The following MAP4K3 variants were observed in gnomAD, a reference collection of about 807,000 sequenced individuals.
MAP4K3 encodes mitogen-activated protein kinase kinase kinase kinase 3.
In MAP4K3, 94 loss-of-function variants were observed where a neutral mutation model predicts 143.5. That is an observed-to-expected ratio of 0.65 (90% CI 0.55 to 0.78). The LOEUF (loss-of-function observed/expected upper bound fraction) is 0.78, where lower values mean the gene tolerates loss of function less well. Among genes scored for constraint, MAP4K3 ranks in the 30% least tolerant of loss-of-function variants. MAP4K3 has a pLI of 0.00. For missense variants in MAP4K3, 1,077 were observed against 1,068.1 expected, an observed-to-expected ratio of 1.01 and a Z score of -0.12; for synonymous variants, 416 against 347.2, an observed-to-expected ratio of 1.20 and a Z score of -2.20.
chr2:39,353,660 T>C (rs1256322871), intron 3 of MAP4K3, among the ~76,000 whole-genome samples: 2 of 152,212 alleles, frequency 1.3e-5, no homozygotes, highest in Non-Finnish European at 2.9e-5. Context: ...ACAGCTATAC[T>C]GCTATCCAGG....
intron 2 of MAP4K3, among the ~76,000 whole-genome samples, chr2:39,363,992 T>TAAAAAAAA (rs70957104): frequency 1.5e-5 from 2 of 129,134 alleles, no homozygotes; most frequent in Non-Finnish European, 1.6e-5. Flanking sequence ...ATAGCCATTA[T>TAAAAAAAA]AAAAAAAAAA....
chr2:39,437,013 C>T lies in MAP4K3; in HGVS notation c.-26G>A, dbSNP rs886905926. On this transcript the variant is annotated 5_prime_UTR_variant, in exon 1 of 34. Coordinates refer to ENST00000263881, the MANE Select transcript of MAP4K3 (RefSeq NM_003618.4). ...GGCGGGCCCCAGGTGCCCCCCGCCT[C>T]CCTCCCGGGCAGGGGAGGGGGGCCG... The T allele has an allele frequency of 8.1e-6, 13 of 1,595,448 alleles. No individual in the cohort carries two copies. The African/African-American group carries it at 1.1e-4, about 13-fold the overall frequency.
At position 39,303,954 on chromosome 2, in the gene MAP4K3, T is replaced by A. The variant is rs183756804; in HGVS notation, c.1119+3989A>T. Among the ~76,000 whole-genome samples the A allele has an allele frequency of 2.7e-3, 413 of 152,338 alleles. 4 individuals carry two copies. The South Asian group carries it at 0.037, about 14-fold the overall frequency. Reference sequence around the variant, plus strand: ...AAAATAGCATCAGTTAAGACGGATGTGTAATATAATCTTTTAATCTGCAGA... The same window carrying A: ...AAAATAGCATCAGTTAAGACGGATGAGTAATATAATCTTTTAATCTGCAGA... On this transcript the variant is annotated intron_variant, in intron 15 of 33. Coordinates refer to ENST00000263881, the MANE Select transcript of MAP4K3 (RefSeq NM_003618.4).
In MAP4K3 at chr2:39,260,661, C is replaced by G; in HGVS notation, c.2253G>C (p.Val751=). The change falls in exon 29 of 34, where the codon GTG becomes GTC. Residue 751 remains valine, a synonymous_variant. Coordinates refer to ENST00000263881, the MANE Select transcript of MAP4K3 (RefSeq NM_003618.4). Reference sequence around the variant, plus strand: ...TTGGATTGACCGTCTCAAATCGAACCACTTGGTTGAAGTCTCTACCTCTAC... The same window carrying G: ...TTGGATTGACCGTCTCAAATCGAACGACTTGGTTGAAGTCTCTACCTCTAC... ...GVSRGRDFNQ[V]VRFETVNPNS... The G allele has an allele frequency of 1.9e-6, 3 of 1,614,058 alleles. No individual in the cohort carries two copies. Among genetic ancestry groups the G allele is most frequent in the African/African-American group, 1.3e-5 (1 of 75,038 alleles).
chr2:39,379,445 T>C lies in MAP4K3; in HGVS notation c.97-1322A>G, dbSNP rs185329122. ...TATTTCAAATTAAACTTAATTTCCA[T>C]AAAATGGGATAGATGTTTCAAATAG... On this transcript the variant is annotated intron_variant, in intron 1 of 33. Coordinates refer to ENST00000263881, the MANE Select transcript of MAP4K3 (RefSeq NM_003618.4). 3.1e-3 allele frequency among the ~76,000 whole-genome samples: 465 copies of C among 152,152 alleles called. 4 individuals carry two copies. Among genetic ancestry groups the C allele is most frequent in the Middle Eastern group, 0.01 (3 of 294 alleles).
rs1175899444 is a variant in MAP4K3 at position 39,273,496 on chromosome 2, C to G, written c.1795-954G>C. ...TGGCAATTCCTACAACTAAGTTACT[C>G]CAAAACTAATTGAGATGAGAGAATG... On this transcript the variant is annotated intron_variant, in intron 24 of 33. Transcript: ENST00000263881. Among the ~76,000 whole-genome samples the G allele has an allele frequency of 2.0e-5, 3 of 151,074 alleles. No individual in the cohort carries two copies. The South Asian group carries it at 6.4e-4, about 32-fold the overall frequency.
chr2:39,325,809 G>A lies in MAP4K3; in HGVS notation c.728C>T (p.Ser243Leu). 2 of 1,600,946 alleles carry A rather than the reference G, an allele frequency of 1.2e-6. No homozygotes were observed. The highest frequency in any genetic ancestry group is 1.1e-5 in the South Asian group (1 of 88,010). ...TTTCACAAAGTGATGAAAACTATTTGACCTAAGAAATTTAGAAAATTAGAC... is the reference window on the plus strand; with the variant it reads ...TTTCACAAAGTGATGAAAACTATTTAACCTAAGAAATTTAGAAAATTAGAC... The part of the protein sequence containing the change: ...PPKLKDKMKW[S>L]NSFHHFVKMA... The change falls in exon 11 of 34, where the codon TCA (serine) becomes TTA (leucine). Residue 243 changes from serine (S) to leucine (L), a missense_variant and splice_region_variant. Physicochemically the swap from Ser to Leu is moderately radical, Grantham distance 145. Around this residue, in one of 2 missense-constraint regions of MAP4K3, gnomAD observed 864 missense variants for 801.2 expected, o/e 1.08. Transcript: ENST00000263881.
At chr2:39,314,654 T>C (rs1683054255) in intron 13 of MAP4K3, among the ~76,000 whole-genome samples, 1 of 152,178 alleles carries the variant, frequency 6.6e-6, no homozygotes, top group African/African-American at 2.4e-5. Flanking sequence ...GGCACTATTG[T>C]TCGAGGGATT....
intron 2 of MAP4K3, 135 bp from the exon 3 acceptor site, chr2:39,356,474 A>C: frequency 1.7e-6 from 1 of 590,416 alleles, no homozygotes; most frequent in Non-Finnish European, 3.0e-6. Flanking sequence ...AACATAGCCA[A>C]TAAGTTAATG....
At chr2:39,283,975 A>G (rs1681654096) in intron 21 of MAP4K3, among the ~76,000 whole-genome samples, 1 of 152,248 alleles carries the variant, frequency 6.6e-6, no homozygotes, top group South Asian at 2.1e-4. Flanking sequence ...CAACATAAAA[A>G]TATAACATTT....
At chr2:39,290,793 G>T (rs1054237840) in intron 18 of MAP4K3, among the ~76,000 whole-genome samples, 2 of 152,132 alleles carry the variant, frequency 1.3e-5, no homozygotes, top group Admixed American at 1.3e-4. Flanking sequence ...ATAACGGGCC[G>T]GGCGTGGTGG....
Position 39,323,086 on chromosome 2 carries a change from T to C in MAP4K3, c.918+2432A>G, listed in dbSNP as rs984141403. 3.9e-5 allele frequency among the ~76,000 whole-genome samples: 6 copies of C among 152,264 alleles called. No homozygotes were observed. The East Asian group carries it at 1.2e-3, about 29-fold the overall frequency. On this transcript the variant is annotated intron_variant, in intron 12 of 33. Coordinates refer to ENST00000263881, the MANE Select transcript of MAP4K3 (RefSeq NM_003618.4). Reference sequence around the variant, plus strand: ...CTTAGCAATTACAATTACAAATCATTTGCAAATAAAAAAGTTATGAATTTC... The same window carrying C: ...CTTAGCAATTACAATTACAAATCATCTGCAAATAAAAAAGTTATGAATTTC...
At chr2:39,255,548 T>G (rs1680310359) in intron 31 of MAP4K3, among the ~76,000 whole-genome samples, 1 of 152,244 alleles carries the variant, frequency 6.6e-6, no homozygotes, top group East Asian at 1.9e-4. Context: ...CTCACTCTTC[T>G]ACCTATTTAT....
At chr2:39,425,516 C>G (rs113630641) in intron 1 of MAP4K3, among the ~76,000 whole-genome samples, 37 of 152,190 alleles carry the variant, frequency 2.4e-4, no homozygotes, top group African/African-American at 8.9e-4. Flanking sequence ...TAGGGAAGGC[C>G]TCAGGATGGG....
intron 2 of MAP4K3, among the ~76,000 whole-genome samples, chr2:39,367,306 C>T (rs1665949044): frequency 6.6e-6 from 1 of 152,174 alleles, no homozygotes; most frequent in Non-Finnish European, 1.5e-5. Context: ...CTTTAGGAAG[C>T]TGAGGCAGGT....
At chr2:39,360,083 G>A (rs1025834470) in intron 2 of MAP4K3, among the ~76,000 whole-genome samples, 2 of 152,204 alleles carry the variant, frequency 1.3e-5, no homozygotes, top group African/African-American at 4.8e-5. Context: ...GCATTGTTGG[G>A]CTGCAAATTT....
At chr2:39,272,989 C>T (rs543766600) in intron 24 of MAP4K3, among the ~76,000 whole-genome samples, 3 of 150,856 alleles carry the variant, frequency 2.0e-5, no homozygotes, top group Non-Finnish European at 4.4e-5. Context: ...ACACAGGATA[C>T]AGAAACACTA....
chr2:39,373,188 G>T (rs575775008), intron 2 of MAP4K3, among the ~76,000 whole-genome samples: 77 of 152,250 alleles, frequency 5.1e-4, no homozygotes, highest in Non-Finnish European at 9.3e-4. Context: ...ATGAAAAGGT[G>T]CTCAACATCA....
intron 24 of MAP4K3, among the ~76,000 whole-genome samples, chr2:39,274,361 C>T (rs1038719995): frequency 2.0e-5 from 3 of 151,748 alleles, no homozygotes; most frequent in South Asian, 2.1e-4. Flanking sequence ...GGACTACAGG[C>T]GCCCGCCACC....
Sources: gnomAD v4.1 joint callset for allele counts (sites outside exome capture counted in the v4.1 genomes callset) on GRCh38, gnomAD v4.1.1 for gene constraint, gnomAD v4.1.1 regional missense constraint, MANE v1.5 for transcripts, NCBI Gene and HGNC (gene_info 2026-07-23, HGNC 2026-07-21) for gene names.